The following CEP350 variants were observed in gnomAD, a reference collection of about 807,000 sequenced individuals.
CEP350 encodes the protein centrosome-associated protein 350.
CEP350 carries 126 observed loss-of-function variants against 331.8 expected under a neutral mutation model. That is an observed-to-expected ratio of 0.38 (90% CI 0.33 to 0.44). CEP350 has a LOEUF of 0.44. CEP350 is among the 20% of genes least tolerant of loss of function. CEP350 has a pLI of 1.00. For missense variants in CEP350, 3,406 were observed against 3,634.6 expected, an observed-to-expected ratio of 0.94 and a Z score of 1.62; for synonymous variants, 1,200 against 1,259.5, an observed-to-expected ratio of 0.95 and a Z score of 1.00.
chr1:180,029,828 T>TGTGA (rs1655898194), intron 14 of CEP350, among the ~76,000 whole-genome samples: 1 of 152,200 alleles, frequency 6.6e-6, no homozygotes, highest in Admixed American at 6.5e-5. Flanking sequence ...ACTCTCATTC[T>TGTGA]CCTCTTCTCC....
At chr1:180,110,716 C>T (rs138026699) in intron 37 of CEP350, among the ~76,000 whole-genome samples, 29 of 152,038 alleles carry the variant, frequency 1.9e-4, no homozygotes, top group Non-Finnish European at 3.4e-4. Flanking sequence ...ATACATATTC[C>T]CTTACGTTGA....
intron 1 of CEP350, among the ~76,000 whole-genome samples, chr1:179,960,169 G>GACAC (rs1276140411): frequency 6.3e-4 from 96 of 151,688 alleles, no homozygotes; most frequent in Non-Finnish European, 1.2e-3. Flanking sequence ...AGCATTTACA[G>GACAC]ACACACACAC....
intron 28 of CEP350, among the ~76,000 whole-genome samples, chr1:180,076,887 G>C (rs1659252523): frequency 1.3e-5 from 2 of 152,018 alleles, no homozygotes; most frequent in Admixed American, 1.3e-4. Context: ...CCTGATAAAA[G>C]GTATTAACAA....
intron 6 of CEP350, among the ~76,000 whole-genome samples, chr1:180,001,849 T>C (rs1286978080): frequency 6.6e-6 from 1 of 152,228 alleles, no homozygotes; most frequent in Non-Finnish European, 1.5e-5. Context: ...TCATGATTTA[T>C]GATCGGTATT....
chr1:180,030,582 TA>T (rs1434630649), intron 14 of CEP350, among the ~76,000 whole-genome samples: 4 of 151,956 alleles, frequency 2.6e-5, no homozygotes, highest in Non-Finnish European at 5.9e-5. Context: ...AGCAAGTTAT[TA>T]AGCCCCATAG....
intron 25 of CEP350, among the ~76,000 whole-genome samples, chr1:180,056,212 C>G (rs1403008334): frequency 6.6e-6 from 1 of 152,078 alleles, no homozygotes; most frequent in African/African-American, 2.4e-5. Context: ...TTCAGCACTT[C>G]TAAAGATATT....
rs138170988 is a variant in CEP350 at position 179,996,990 on chromosome 1, A to G, written c.833A>G (p.His278Arg). The G allele has an allele frequency of 3.7e-6, 6 of 1,613,920 alleles. No individual in the cohort carries two copies. In the African/African-American group the frequency reaches 4.0e-5, roughly 11 times the overall value. The stretch of plus-strand genomic sequence containing the variant: ...TTAGATATTCTAAAGCGGCGACAAC[A>G]TGATGTCAAACTGGAAAAACTTAAG... The part of the protein sequence containing the change: ...QRLDILKRRQ[H>R]DVKLEKLKER... The change falls in exon 6 of 38, where the codon CAT becomes CGT. Residue 278 changes from histidine to arginine, a missense_variant. Transcript: ENST00000367607.
At chr1:180,074,900 G>A in intron 27 of CEP350, 122 bp from the exon 28 acceptor site, 1 of 741,120 alleles carries the variant, frequency 1.3e-6, no homozygotes, top group Non-Finnish European at 2.1e-6. Flanking sequence ...TCAGAGAGAA[G>A]AGTAGTATGA....
intron 16 of CEP350, among the ~76,000 whole-genome samples, chr1:180,035,222 G>A (rs190843455): frequency 6.6e-6 from 1 of 152,320 alleles, no homozygotes; most frequent in East Asian, 1.9e-4. Context: ...AAAGTTGGAA[G>A]CTAGCAGAGG....
At chr1:179,964,745 A>G (rs1391130764) in intron 1 of CEP350, among the ~76,000 whole-genome samples, 1 of 149,218 alleles carries the variant, frequency 6.7e-6, no homozygotes, top group African/African-American at 2.5e-5. Context: ...ATTTCTGATT[A>G]TGCTTCTTAG....
rs180951562 is a variant in CEP350 at position 180,014,238 on chromosome 1, G to A, written c.1785G>A (p.Glu595=). The A allele has an allele frequency of 6.2e-6, 10 of 1,610,024 alleles. No homozygotes were observed. The Admixed American group carries it at 1.7e-4, about 27-fold the overall frequency. ...ISKRRHYDTD[E]VRQYIVRQQE... ...AAAGGCGCCACTATGACACAGATGA[G>A]GTACGACAGTACATTGTTAGGCAGC... Residue 595 remains glutamate (E), a synonymous_variant, in exon 10 of 38, where the codon GAG becomes GAA. Transcript: ENST00000367607.
intron 27 of CEP350, among the ~76,000 whole-genome samples, chr1:180,065,751 C>T (rs1003487075): frequency 3.9e-5 from 6 of 151,956 alleles, no homozygotes; most frequent in Non-Finnish European, 8.8e-5. Flanking sequence ...GAGCTAGACC[C>T]TGTCCCCCCC....
chr1:180,027,110 C>A (rs970028382), intron 14 of CEP350, among the ~76,000 whole-genome samples: 10 of 152,182 alleles, frequency 6.6e-5, no homozygotes, highest in African/African-American at 2.2e-4. Flanking sequence ...TTTATGCCAG[C>A]ACTTTATATT....
intron 14 of CEP350, among the ~76,000 whole-genome samples, chr1:180,026,623 T>C (rs899503476): frequency 1.2e-4 from 18 of 152,348 alleles, no homozygotes; most frequent in Non-Finnish European, 2.4e-4. Flanking sequence ...AATAACTCCA[T>C]TCTTCTGTCC....
chr1:180,001,117 G>A (rs1442605554), intron 6 of CEP350, among the ~76,000 whole-genome samples: 3 of 152,112 alleles, frequency 2.0e-5, no homozygotes, highest in Non-Finnish European at 4.4e-5. Context: ...GTGCAGTTAT[G>A]TATGGGTTGC....
intron 4 of CEP350, among the ~76,000 whole-genome samples, chr1:179,991,293 A>G (rs1229980724): frequency 7.8e-6 from 1 of 128,218 alleles, no homozygotes; most frequent in Non-Finnish European, 1.7e-5. Context: ...TTGTATTTTG[A>G]TTCTGTGGTT....
chr1:179,990,435 A>C (rs1652972931), intron 3 of CEP350, 72 bp from the exon 4 acceptor site: 1 of 701,788 alleles, frequency 1.4e-6, no homozygotes, highest in Non-Finnish European at 2.3e-6. Flanking sequence ...CTTTTAAATA[A>C]CCATGTAAAT....
chr1:179,956,951 A>G (rs1421432607), intron 1 of CEP350, among the ~76,000 whole-genome samples: 6 of 152,196 alleles, frequency 3.9e-5, no homozygotes, highest in Non-Finnish European at 7.4e-5. Context: ...AAATTATTCT[A>G]TTTTTGTTCC....
At chr1:179,973,833 C>G (rs1374159017) in intron 1 of CEP350, among the ~76,000 whole-genome samples, 3 of 151,642 alleles carry the variant, frequency 2.0e-5, no homozygotes, top group Non-Finnish European at 4.4e-5. Flanking sequence ...TTTTCAATTT[C>G]TTTTTCTCCC....
Sources: allele counts gnomAD v4.1 joint callset (sites outside exome capture counted in the v4.1 genomes callset), GRCh38; gene constraint gnomAD v4.1.1; transcripts MANE v1.5; gene names NCBI Gene and HGNC (gene_info 2026-07-23, HGNC 2026-07-21).